ADD2: variants seen among roughly 807,000 people sequenced by gnomAD.
ADD2 encodes the protein beta-adducin.
In ADD2, 23 loss-of-function variants were observed where a neutral mutation model predicts 83.0. The ratio of observed to expected loss-of-function variants is 0.28; its 90% CI spans 0.20 to 0.39. ADD2 has a LOEUF of 0.39. ADD2 is among the 10% of genes least tolerant of loss of function. ADD2 has a pLI of 1.00. For synonymous variants in ADD2, 375 were observed against 375.4 expected (o/e 1.00, Z 0.01); for missense variants, 758 against 944.9 (o/e 0.80, Z 2.59).
chr2:70,761,791 C>G (rs1170492475), intron 1 of ADD2, among the ~76,000 whole-genome samples: 1 of 150,626 alleles, frequency 6.6e-6, no homozygotes, highest in East Asian at 2.0e-4. Context: ...CCTGCCTCAG[C>G]CTCCCGAGTA....
chr2:70,733,328 A>G (rs1673373483), intron 1 of ADD2, among the ~76,000 whole-genome samples: 1 of 152,272 alleles, frequency 6.6e-6, no homozygotes, highest in African/African-American at 2.4e-5. Context: ...CGGTGCATGC[A>G]TAAAACACCA....
intron 6 of ADD2, among the ~76,000 whole-genome samples, chr2:70,693,732 C>A (rs1035513017): frequency 6.6e-6 from 1 of 152,168 alleles, no homozygotes. Context: ...CAGCCCAGCT[C>A]CCCCACTTCC....
chr2:70,673,435 C>T, intron 14 of ADD2: 1 of 799,458 alleles, frequency 1.3e-6, no homozygotes, highest in South Asian at 1.5e-5. Context: ...TGCTGACTCC[C>T]CTTAAAAACA....
chr2:70,669,346 AT>A (rs782076481), intron 15 of ADD2, among the ~76,000 whole-genome samples: 1 of 152,218 alleles, frequency 6.6e-6, no homozygotes, highest in East Asian at 1.9e-4. Flanking sequence ...AGAAATAGAG[AT>A]TTTTAACAAG....
intron 1 of ADD2, among the ~76,000 whole-genome samples, chr2:70,740,785 C>T (rs1436385410): frequency 2.6e-5 from 4 of 152,102 alleles, no homozygotes; most frequent in Non-Finnish European, 2.9e-5. Flanking sequence ...CTGCAACCTC[C>T]GCCTCCCGGC....
At position 70,676,137 on chromosome 2, in the gene ADD2, A is replaced by G. The variant is rs1553368211; in HGVS notation, c.1593+659T>C. 1.0e-6 allele frequency: 1 copy of G among 985,508 alleles called. No individual in the cohort carries two copies. The highest frequency in any genetic ancestry group is 1.2e-6 in the Non-Finnish European group (1 of 829,958). 61.0% of individuals were successfully genotyped at this position (985,508 alleles called of 1,614,324 possible). On this transcript the variant is annotated intron_variant, in intron 13 of 15. Coordinates refer to ENST00000264436, the MANE Select transcript of ADD2 (RefSeq NM_001617.4). The surrounding 1 kb of genome is among the most constrained non-coding windows in gnomAD (Gnocchi z 4.8). The stretch of plus-strand genomic sequence containing the variant: ...AATTTTTACTGCTAAGGAAAATGTC[A>G]TGCCCATTGCTACCTTGCAAGGAGC...
Position 70,691,016 on chromosome 2 carries a change from A to AGTGAGGG in ADD2, c.706-94_706-88dup, listed in dbSNP as rs1325174648. 12 of 1,468,698 alleles carry AGTGAGGG rather than the reference A, an allele frequency of 8.2e-6. No homozygotes were observed. In the African/African-American group the frequency reaches 1.1e-4, roughly 14 times the overall value. The allele number at this position is 1,468,698 out of a possible 1,614,324, so 91.0% of individuals were successfully genotyped here. On this transcript the variant is annotated intron_variant, in intron 7 of 15. Coordinates refer to ENST00000264436, the MANE Select transcript of ADD2 (RefSeq NM_001617.4). ...ACAGTCCAGCTCTACTCTGGGGGCC[A>AGTGAGGG]GTGAGGGGTGAGGGGTGAGGAGTGA...
intron 2 of ADD2, among the ~76,000 whole-genome samples, chr2:70,712,547 C>T (rs1241067279): frequency 6.6e-6 from 1 of 152,052 alleles, no homozygotes; most frequent in Non-Finnish European, 1.5e-5. Flanking sequence ...ATGATTTCAA[C>T]CAGGTTTGTC....
At chr2:70,716,987 C>G (rs1672502160) in intron 1 of ADD2, among the ~76,000 whole-genome samples, 1 of 152,154 alleles carries the variant, frequency 6.6e-6, no homozygotes, top group Non-Finnish European at 1.5e-5. Flanking sequence ...TCACACACAA[C>G]AACCTCCTTG....
At position 70,672,912 on chromosome 2, in the gene ADD2, C is replaced by T. The variant is rs782733444; in HGVS notation, c.1836G>A (p.Lys612=). The change falls in exon 15 of 16, where the codon AAG becomes AAA. Residue 612 remains lysine (K), a synonymous_variant. Transcript: ENST00000264436. ...VQSPAKEAET[K]SPLVSPSKSL... ...ACTTGGAAGGAGAGACTAAAGGGCT[C>T]TTTGTCTCTGCCTCCTTCGCTGGGC... The T allele has an allele frequency of 9.9e-6, 16 of 1,613,360 alleles. No homozygotes were observed. Among genetic ancestry groups the T allele is most frequent in the Admixed American group, 1.7e-5 (1 of 59,950 alleles).
At chr2:70,699,301 GA>G (rs1671465789) in intron 4 of ADD2, among the ~76,000 whole-genome samples, 1 of 151,898 alleles carries the variant, frequency 6.6e-6, no homozygotes. Context: ...TTCATATAAA[GA>G]AAAAAACCTA....
chr2:70,740,269 A>C (rs868914595), intron 1 of ADD2, among the ~76,000 whole-genome samples: 31 of 152,208 alleles, frequency 2.0e-4, no homozygotes, highest in African/African-American at 7.0e-4. Context: ...AAAACTGTTG[A>C]GAATCAGTAA....
chr2:70,684,956 A>G (rs1317100303), intron 9 of ADD2, among the ~76,000 whole-genome samples: 1 of 152,172 alleles, frequency 6.6e-6, no homozygotes, highest in Non-Finnish European at 1.5e-5. Context: ...CTAATGGTAC[A>G]TTCTATTTAC....
At chr2:70,707,696 C>T (rs1324698699) in intron 2 of ADD2, among the ~76,000 whole-genome samples, 1 of 152,224 alleles carries the variant, frequency 6.6e-6, no homozygotes, top group East Asian at 1.9e-4. Flanking sequence ...CAGAAGGCAG[C>T]ATGTACTTTG....
At chr2:70,686,629 C>G (rs578154597) in intron 9 of ADD2, among the ~76,000 whole-genome samples, 2 of 152,254 alleles carry the variant, frequency 1.3e-5, no homozygotes, top group East Asian at 3.9e-4. Context: ...AGATAGGGAG[C>G]TCTTAAGAGT....
chr2:70,712,977 G>T, intron 2 of ADD2, 89 bp downstream of exon 2: 2 of 412,222 alleles, frequency 4.9e-6, no homozygotes, highest in Non-Finnish European at 6.5e-6. Context: ...TCATCCTCAT[G>T]CAAAGGGCCT....
rs782743283 is a variant in ADD2, at chr2:70,692,429, G to T, written c.679C>A (p.His227Asn). Residue 227 changes from histidine (H) to asparagine (N), a missense_variant, in exon 7 of 16, where the codon CAC (histidine) becomes AAC (asparagine). His to Asn is a moderately conservative substitution (Grantham distance 68, BLOSUM62 1). Transcript: ENST00000264436. ...AARPDVRCII[H>N]LHTPATAAVS... is the part of the protein sequence containing the mutation. ...GCTGCTGTGGCCGGTGTGTGCAGGTGGATGATGCAGCGCACGTCGGGCCTC... is the reference window on the plus strand; with the variant it reads ...GCTGCTGTGGCCGGTGTGTGCAGGTTGATGATGCAGCGCACGTCGGGCCTC... The T allele has an allele frequency of 3.6e-5, 57 of 1,601,662 alleles. No homozygotes were observed. The Admixed American group carries it at 9.6e-4, about 27-fold the overall frequency.
intron 1 of ADD2, among the ~76,000 whole-genome samples, chr2:70,732,637 T>C (rs189282903): frequency 1.6e-4 from 25 of 152,286 alleles, no homozygotes; most frequent in African/African-American, 6.0e-4. Flanking sequence ...AAGAGGATCC[T>C]GTCTGTCTAG....
intron 9 of ADD2, among the ~76,000 whole-genome samples, chr2:70,687,680 C>A (rs149193696): frequency 2.0e-5 from 3 of 152,278 alleles, no homozygotes; most frequent in African/African-American, 7.2e-5. Flanking sequence ...GTATACCCCA[C>A]GTAACATATG....
Sources: gnomAD v4.1 joint callset for allele counts (sites outside exome capture counted in the v4.1 genomes callset) on GRCh38, gnomAD v4.1.1 for gene constraint, Gnocchi (gnomAD v3.1) non-coding constraint, MANE v1.5 for transcripts, NCBI Gene and HGNC (gene_info 2026-07-23, HGNC 2026-07-21) for gene names.